NCAM1: variants seen among roughly 807,000 people sequenced by gnomAD.
NCAM1 encodes neural cell adhesion molecule 1, also known as antigen recognized by monoclonal antibody 5.1H11.
Under a neutral mutation model 109.8 loss-of-function variants are expected in NCAM1, and 14 were observed. The ratio of observed to expected loss-of-function variants is 0.13; its 90% CI spans 0.08 to 0.20. The LOEUF (loss-of-function observed/expected upper bound fraction) is 0.20, where lower values mean the gene tolerates loss of function less well. Ranked by LOEUF, NCAM1 falls within the 10% of genes least tolerant of loss-of-function variation. The probability of loss-of-function intolerance (pLI) is 1.00; values close to 1 mark genes in which losing one functional copy is unlikely to be tolerated. For synonymous variants in NCAM1, 418 were observed against 442.9 expected (o/e 0.94, Z 0.70); for missense variants, 774 against 1,109.9 (o/e 0.70, Z 4.30).
At chr11:113,051,746 T>C (rs1423962432) in intron 1 of NCAM1, among the ~76,000 whole-genome samples, 1 of 152,244 alleles carries the variant, frequency 6.6e-6, no homozygotes, top group Non-Finnish European at 1.5e-5. Context: ...AATTGTATAA[T>C]TTAACCAATA....
At chr11:113,224,800 G>A (rs190081874) in intron 9 of NCAM1, among the ~76,000 whole-genome samples, 101 of 152,306 alleles carry the variant, frequency 6.6e-4, no homozygotes, top group Admixed American at 3.4e-3. Flanking sequence ...TGCAGCCTCC[G>A]CTGCTGATAC....
intron 1 of NCAM1, among the ~76,000 whole-genome samples, chr11:113,032,879 G>A (rs1324449487): frequency 1.3e-5 from 2 of 152,174 alleles, no homozygotes; most frequent in African/African-American, 2.4e-5. Context: ...AATTGAAAGA[G>A]TTTTCTAAAT....
At chr11:113,011,484 G>A (rs1289863085) in intron 1 of NCAM1, among the ~76,000 whole-genome samples, 7 of 151,900 alleles carry the variant, frequency 4.6e-5, no homozygotes, top group African/African-American at 1.5e-4. Context: ...ACCCAGTAAT[G>A]GGGTGGCTGG....
rs781992571 is a variant in NCAM1 at position 113,231,211 on chromosome 11, A to T, written c.1090-434A>T. 5 of 1,536,162 alleles carry T rather than the reference A, an allele frequency of 3.3e-6. No individual in the cohort carries two copies. In the South Asian group the frequency reaches 5.9e-5, roughly 18 times the overall value. ...CCTGCCACAGGTACATGCACCATGG[A>T]ACTGGCAAGTGGGCAGACAGAAAGG... On this transcript the variant is annotated intron_variant, in intron 9 of 19. Transcript: ENST00000316851.
At chr11:112,999,190 T>G (rs1555072006) in intron 1 of NCAM1, among the ~76,000 whole-genome samples, 5 of 152,188 alleles carry the variant, frequency 3.3e-5, no homozygotes, top group African/African-American at 1.2e-4. Context: ...TAATACTGAT[T>G]ATGTATGTTG....
chr11:113,162,992 A>G (rs1942652724), intron 1 of NCAM1, among the ~76,000 whole-genome samples: 1 of 151,980 alleles, frequency 6.6e-6, no homozygotes, highest in Non-Finnish European at 1.5e-5. Context: ...ATCCCTTCAC[A>G]CTCAAATTCC....
intron 1 of NCAM1, among the ~76,000 whole-genome samples, chr11:113,088,446 T>C (rs1294403982): frequency 2.0e-5 from 3 of 152,210 alleles, no homozygotes; most frequent in East Asian, 1.9e-4. Flanking sequence ...GAGTAGAAGC[T>C]GAAACCACAT....
intron 9 of NCAM1, among the ~76,000 whole-genome samples, chr11:113,230,796 C>A (rs1318615419): frequency 6.6e-6 from 1 of 152,222 alleles, no homozygotes; most frequent in East Asian, 1.9e-4. Flanking sequence ...TGCCTAGACT[C>A]TTCCTGGGCC....
rs111348509 is a variant in NCAM1, at chr11:113,127,394, A to G, written c.53-74985A>G. Among the ~76,000 whole-genome samples the G allele has an allele frequency of 4.6e-3, 699 of 152,324 alleles. 4 individuals carry two copies. Among genetic ancestry groups the G allele is most frequent in the African/African-American group, 0.016 (663 of 41,576 alleles). The stretch of plus-strand genomic sequence containing the variant: ...ACTGTGTACAGAAAACTGTTTCAGG[A>G]GTTACCAGTGCTTTTGTCTCTTTTC... On this transcript the variant is annotated intron_variant, in intron 1 of 19. Transcript: ENST00000316851.
Position 113,170,223 on chromosome 11 carries a change from T to C in NCAM1, c.53-32156T>C, listed in dbSNP as rs190827410. Among the ~76,000 whole-genome samples, 115 of 152,278 alleles carry C rather than the reference T, an allele frequency of 7.6e-4. 3 individuals are homozygous for C. Among genetic ancestry groups the C allele is most frequent in the Admixed American group, 7.5e-3 (115 of 15,296 alleles). On this transcript the variant is annotated intron_variant, in intron 1 of 19. Transcript: ENST00000316851. ...AATGTGCCCAGCACTCCATGGCTAA[T>C]AGAGGGAGAGGGTTCCAGGCCTCAT...
intron 1 of NCAM1, among the ~76,000 whole-genome samples, chr11:113,086,712 T>C (rs1283764185): frequency 6.6e-6 from 1 of 152,200 alleles, no homozygotes; most frequent in Non-Finnish European, 1.5e-5. Flanking sequence ...AAAAGGCTAT[T>C]CCTAACTCAG....
At chr11:113,215,602 G>A (rs1232237944) in intron 8 of NCAM1, among the ~76,000 whole-genome samples, 1 of 152,116 alleles carries the variant, frequency 6.6e-6, no homozygotes, top group African/African-American at 2.4e-5. Flanking sequence ...CCCACTAATA[G>A]AAAACAAAAC....
intron 1 of NCAM1, among the ~76,000 whole-genome samples, chr11:113,190,106 A>C (rs1711373162): frequency 6.6e-6 from 1 of 152,142 alleles, no homozygotes; most frequent in East Asian, 1.9e-4. Context: ...AACTGACTCC[A>C]CCTAAATCTT....
intron 1 of NCAM1, among the ~76,000 whole-genome samples, chr11:112,998,519 A>T (rs1951659495): frequency 6.6e-6 from 1 of 152,160 alleles, no homozygotes; most frequent in African/African-American, 2.4e-5. Flanking sequence ...CCTAGGTGTA[A>T]GCGTAGTCCC....
chr11:113,248,428 G>A (rs941296112), intron 15 of NCAM1, among the ~76,000 whole-genome samples: 2 of 152,028 alleles, frequency 1.3e-5, no homozygotes, highest in African/African-American at 2.4e-5. Flanking sequence ...AAGAGGTCAG[G>A]GCCAATAAAA....
In NCAM1 at chr11:113,271,844, G is replaced by A; in HGVS notation, c.2424G>A (p.Glu808=). ...ACCATGATGGAGGGAAACACACAGA[G>A]CCCAACGAGACCACGCCACTGACGG... The part of the protein sequence containing the change: ...TPNHDGGKHT[E]PNETTPLTEP... Residue 808 remains glutamate (E), a synonymous_variant, in exon 19 of 20, where the codon GAG becomes GAA. Transcript: ENST00000316851. The A allele has an allele frequency of 6.4e-7, 1 of 1,572,464 alleles. No homozygotes were observed. The highest frequency in any genetic ancestry group is 8.6e-7 in the Non-Finnish European group (1 of 1,159,270).
intron 17 of NCAM1, among the ~76,000 whole-genome samples, chr11:113,262,333 C>A (rs1286810058): frequency 6.6e-6 from 1 of 152,238 alleles, no homozygotes; most frequent in Non-Finnish European, 1.5e-5. Context: ...TCCAATGCAT[C>A]TCCACCACTA....
At chr11:113,193,677 G>T (rs1247023953) in intron 1 of NCAM1, among the ~76,000 whole-genome samples, 2 of 151,894 alleles carry the variant, frequency 1.3e-5, no homozygotes, top group African/African-American at 4.8e-5. Flanking sequence ...AAGAAAGAGA[G>T]AAACAGAGAA....
At chr11:113,129,351 T>G (rs1941304510) in intron 1 of NCAM1, among the ~76,000 whole-genome samples, 1 of 152,194 alleles carries the variant, frequency 6.6e-6, no homozygotes, top group Non-Finnish European at 1.5e-5. Context: ...CTACATAATT[T>G]TCTGTGCATG....
Sources: allele counts gnomAD v4.1 joint callset (sites outside exome capture counted in the v4.1 genomes callset), GRCh38; gene constraint gnomAD v4.1.1; transcripts MANE v1.5; gene names NCBI Gene and HGNC (gene_info 2026-07-23, HGNC 2026-07-21).